The following ANAPC16 variants were observed in gnomAD, a reference collection of about 807,000 sequenced individuals.
ANAPC16 encodes anaphase-promoting complex subunit 16.
ANAPC16 carries 6 observed loss-of-function variants against 13.1 expected under a neutral mutation model. The ratio of observed to expected loss-of-function variants is 0.46; its 90% CI spans 0.25 to 0.90. The LOEUF (loss-of-function observed/expected upper bound fraction) is 0.90, where lower values mean the gene tolerates loss of function less well. Ranked by LOEUF, ANAPC16 falls within the 40% of genes least tolerant of loss-of-function variation. ANAPC16 has a pLI of 0.18. For missense variants in ANAPC16, 113 were observed against 131.1 expected, an observed-to-expected ratio of 0.86 and a Z score of 0.67; for synonymous variants, 55 against 51.3, an observed-to-expected ratio of 1.07 and a Z score of -0.31.
In ANAPC16 at chr10:72,224,004, A is replaced by G. The variant is rs1860036153; in HGVS notation, c.90A>G (p.Pro30=). ...GTTTCAGTGTCTCAGACCTTGCCCC[A>G]CCACGGAAAGCCCTTTTCACCTACC... ...GSGFSVSDLA[P]PRKALFTYPK... Residue 30 remains proline (P), a synonymous_variant, in exon 2 of 4, where the codon CCA becomes CCG. Coordinates refer to ENST00000299381, the MANE Select transcript of ANAPC16 (RefSeq NM_173473.4). 6.2e-7 allele frequency: 1 copy of G among 1,611,982 alleles called. No individual in the cohort carries two copies. Among genetic ancestry groups the G allele is most frequent in the Non-Finnish European group, 8.5e-7 (1 of 1,178,392 alleles).
chr10:72,219,523 C>T (rs1422495212), intron 1 of ANAPC16, among the ~76,000 whole-genome samples: 1 of 151,914 alleles, frequency 6.6e-6, no homozygotes, highest in African/African-American at 2.4e-5. Context: ...ATCACTTGAG[C>T]CCAGGAATTG....
At chr10:72,217,240 C>G in intron 1 of ANAPC16, 1 of 353,196 alleles carries the variant, frequency 2.8e-6, no homozygotes, top group South Asian at 2.1e-5. Context: ...TTTGGGAGGC[C>G]GAGGCGGGCG....
intron 1 of ANAPC16, among the ~76,000 whole-genome samples, chr10:72,221,392 A>C (rs1418725930): frequency 2.6e-5 from 4 of 152,102 alleles, no homozygotes; most frequent in African/African-American, 9.7e-5. Context: ...TTAATATTAA[A>C]TAAAATTTAA....
intron 1 of ANAPC16, among the ~76,000 whole-genome samples, chr10:72,218,745 G>A (rs1859775771): frequency 6.6e-6 from 1 of 152,164 alleles, no homozygotes; most frequent in Admixed American, 6.6e-5. Flanking sequence ...ACCACTTGCT[G>A]GTAGCATTCA....
In ANAPC16 at chr10:72,230,464, T is replaced by C. The variant is rs144438821; in HGVS notation, c.217+24T>C. ...TGGTAAGCACATGAGTGTTGCGTAC[T>C]TGACTGTGAGAATAAATTTGCTAGG... On this transcript the variant is annotated intron_variant, in intron 3 of 3. Transcript: ENST00000299381. 9 of 1,602,424 alleles carry C rather than the reference T, an allele frequency of 5.6e-6. No homozygotes were observed. In the African/African-American group the frequency reaches 1.2e-4, roughly 21 times the overall value.
At chr10:72,229,435 A>C (rs987504130) in intron 2 of ANAPC16, among the ~76,000 whole-genome samples, 7 of 152,040 alleles carry the variant, frequency 4.6e-5, no homozygotes, top group Non-Finnish European at 1.0e-4. Context: ...ATACCTGGCC[A>C]ACACAACAAC....
At chr10:72,222,146 A>G (rs546669350) in intron 1 of ANAPC16, among the ~76,000 whole-genome samples, 34 of 150,634 alleles carry the variant, frequency 2.3e-4, no homozygotes, top group African/African-American at 7.8e-4. Context: ...CTGGCCGGGC[A>G]TGATGGCTCA....
At chr10:72,222,785 TAAAAA>T (rs1380852816) in intron 1 of ANAPC16, among the ~76,000 whole-genome samples, 6 of 152,148 alleles carry the variant, frequency 3.9e-5, no homozygotes, top group Non-Finnish European at 4.4e-5. Context: ...CTCAAAAAAT[TAAAAA>T]AGGAAAGAAA....
chr10:72,220,547 A>C (rs1355011328), intron 1 of ANAPC16, among the ~76,000 whole-genome samples: 2 of 151,802 alleles, frequency 1.3e-5, no homozygotes, highest in Non-Finnish European at 2.9e-5. Context: ...GGTCCCAGCG[A>C]CTTGGGAGGT....
chr10:72,232,993 C>T lies in ANAPC16; in HGVS notation c.218-8C>T. On this transcript the variant is annotated splice_region_variant and splice_polypyrimidine_tract_variant and intron_variant, in intron 3 of 3. Transcript: ENST00000299381. ...GTTGCATAATATTCTTTCCTTGACT[C>T]CTTACAGATCAGCAAGTTGCTCGGA... The T allele has an allele frequency of 1.9e-6, 3 of 1,611,666 alleles. No individual in the cohort carries two copies. The Middle Eastern group carries it at 5.0e-4, about 266-fold the overall frequency.
intron 2 of ANAPC16, among the ~76,000 whole-genome samples, chr10:72,229,228 C>CTTT (rs201528335): frequency 8.1e-6 from 1 of 122,904 alleles, no homozygotes; most frequent in African/African-American, 2.9e-5. Context: ...TTCTTTTTCT[C>CTTT]TTTTTTTTTT....
chr10:72,223,848 T>A, intron 1 of ANAPC16, 40 bp from the exon 2 acceptor site: 1 of 1,414,558 alleles, frequency 7.1e-7, no homozygotes, highest in Admixed American at 2.2e-5. Context: ...TCACTCTCAC[T>A]TCCATAAACT....
At chr10:72,226,243 T>C (rs1049019075) in intron 2 of ANAPC16, among the ~76,000 whole-genome samples, 4 of 151,940 alleles carry the variant, frequency 2.6e-5, no homozygotes, top group African/African-American at 7.2e-5. Context: ...GAGCTTGAAC[T>C]CCTGACCTCA....
chr10:72,227,822 G>A (rs1477683834), intron 2 of ANAPC16, among the ~76,000 whole-genome samples: 1 of 150,902 alleles, frequency 6.6e-6, no homozygotes, highest in East Asian at 1.9e-4. Flanking sequence ...CCTGAGGTCA[G>A]GAGTTCGAGA....
chr10:72,228,436 C>G (rs1860193210), intron 2 of ANAPC16, among the ~76,000 whole-genome samples: 1 of 152,100 alleles, frequency 6.6e-6, no homozygotes, highest in African/African-American at 2.4e-5. Flanking sequence ...AGGTAATATT[C>G]TTTTTAATGT....
chr10:72,221,717 C>T (rs1859940689), intron 1 of ANAPC16, among the ~76,000 whole-genome samples: 1 of 146,982 alleles, frequency 6.8e-6, no homozygotes, highest in Non-Finnish European at 1.5e-5. Context: ...CACCACCACA[C>T]CCAGCTAAAT....
chr10:72,230,518 C>T (rs1372411319), intron 3 of ANAPC16, 78 bp downstream of exon 3: 1 of 1,205,104 alleles, frequency 8.3e-7, no homozygotes, highest in Admixed American at 1.7e-5. Flanking sequence ...CAAAAATCCC[C>T]AAACTCAGCA....
chr10:72,221,962 T>A (rs560033455), intron 1 of ANAPC16, among the ~76,000 whole-genome samples: 2 of 150,420 alleles, frequency 1.3e-5, no homozygotes, highest in East Asian at 4.0e-4. Flanking sequence ...ACTCCTGACC[T>A]CGTGATCCAC....
rs1403466404 is a variant in ANAPC16, at chr10:72,234,695, C to T, written c.*1579C>T. On this transcript the variant is annotated 3_prime_UTR_variant, in exon 4 of 4. Coordinates refer to ENST00000299381, the MANE Select transcript of ANAPC16 (RefSeq NM_173473.4). ...AATCTCAAGAGTTCAAAATGTTTAA[C>T]ACATTCTACCTGACGGGAGGTGGTG... The T allele has an allele frequency of 6.6e-6, 1 of 152,144 alleles. No homozygotes were observed. Among genetic ancestry groups the T allele is most frequent in the Non-Finnish European group, 1.5e-5 (1 of 68,026 alleles). The allele number at this position is 152,144 out of a possible 1,614,324, so 9.4% of individuals were successfully genotyped here.
Sources: gnomAD v4.1 joint callset for allele counts (sites outside exome capture counted in the v4.1 genomes callset) on GRCh38, gnomAD v4.1.1 for gene constraint, MANE v1.5 for transcripts, NCBI Gene and HGNC (gene_info 2026-07-23, HGNC 2026-07-21) for gene names.